The following AMBRA1 variants were observed in gnomAD, a reference collection of about 807,000 sequenced individuals.
The protein encoded by AMBRA1 is activating molecule in BECN1-regulated autophagy protein 1.
In AMBRA1, 47 loss-of-function variants were observed where a neutral mutation model predicts 125.4. The ratio of observed to expected loss-of-function variants is 0.37; its 90% CI spans 0.30 to 0.48. AMBRA1 has a LOEUF of 0.48. Ranked by LOEUF, AMBRA1 falls within the 20% of genes least tolerant of loss-of-function variation. AMBRA1 has a pLI of 0.99. For missense variants in AMBRA1, 1,331 were observed against 1,693.4 expected (o/e 0.79, Z 3.76); for synonymous variants, 626 against 655.5 (o/e 0.95, Z 0.69).
chr11:46,517,466 T>C (rs1460955840), intron 7 of AMBRA1, among the ~76,000 whole-genome samples: 1 of 133,346 alleles, frequency 7.5e-6, no homozygotes, highest in Admixed American at 7.8e-5. Flanking sequence ...ATTTTATTAA[T>C]AAGGTTTTTT....
At chr11:46,403,977 A>C (rs966158328) in intron 17 of AMBRA1, among the ~76,000 whole-genome samples, 3 of 152,124 alleles carry the variant, frequency 2.0e-5, no homozygotes, top group African/African-American at 7.2e-5. Flanking sequence ...AGGTGGGAGG[A>C]TCACTGGAGC....
chr11:46,513,969 C>T (rs558610480), intron 7 of AMBRA1, among the ~76,000 whole-genome samples: 2 of 151,556 alleles, frequency 1.3e-5, no homozygotes, highest in East Asian at 3.9e-4. Context: ...GCATGTCTGA[C>T]ATGGTGCTTC....
chr11:46,569,465 A>ATATATATATAT (rs1351666371), intron 1 of AMBRA1, among the ~76,000 whole-genome samples: 2 of 147,648 alleles, frequency 1.4e-5, no homozygotes, highest in African/African-American at 5.0e-5. Context: ...ATATATATAT[A>ATATATATATAT]AAGTGCCAAG....
intron 11 of AMBRA1, among the ~76,000 whole-genome samples, chr11:46,444,489 C>G (rs191401348): frequency 6.6e-6 from 1 of 152,174 alleles, no homozygotes; most frequent in Non-Finnish European, 1.5e-5. Flanking sequence ...TCATACACAA[C>G]CACCCTCCTT....
At chr11:46,526,101 A>G (rs1951958981) in intron 7 of AMBRA1, among the ~76,000 whole-genome samples, 1 of 151,998 alleles carries the variant, frequency 6.6e-6, no homozygotes, top group African/African-American at 2.4e-5. Flanking sequence ...GCTACTCCAG[A>G]GGCTGAGGCA....
intron 11 of AMBRA1, among the ~76,000 whole-genome samples, chr11:46,460,409 C>A (rs1949049733): frequency 1.3e-5 from 2 of 152,042 alleles, no homozygotes; most frequent in South Asian, 4.2e-4. Flanking sequence ...GCAAGCTCCG[C>A]CTCCCGGGTT....
rs1280546957 is a variant in AMBRA1, at chr11:46,494,149, G to A, written c.2395C>T (p.Pro799Ser). The change falls in exon 10 of 18, where the codon CCT (proline) becomes TCT (serine). Residue 799 changes from proline to serine, a missense_variant. This residue lies in a region of AMBRA1 where 354 missense variants were observed against 532.7 expected (regional missense o/e 0.66). Coordinates refer to ENST00000683756, the MANE Select transcript of AMBRA1 (RefSeq NM_001387011.1). ...RAPRNARMSA[P>S]SLGRFVPRRF... ...CTTGGGACAAAGCGTCCAAGCGAAG[G>A]TGCAGACATCCGGGCATTGCGTGGA... 6 of 1,608,936 alleles carry A rather than the reference G, an allele frequency of 3.7e-6. No individual in the cohort carries two copies. Among genetic ancestry groups the A allele is most frequent in the African/African-American group, 1.3e-5 (1 of 74,862 alleles).
At chr11:46,489,062 G>A (rs1004498197) in intron 11 of AMBRA1, among the ~76,000 whole-genome samples, 1 of 151,952 alleles carries the variant, frequency 6.6e-6, no homozygotes, top group Non-Finnish European at 1.5e-5. Context: ...GCAACCGCCC[G>A]GTTAATTTTT....
At chr11:46,416,291 G>A (rs1457799074) in intron 15 of AMBRA1, among the ~76,000 whole-genome samples, 1 of 152,182 alleles carries the variant, frequency 6.6e-6, no homozygotes, top group African/African-American at 2.4e-5. Flanking sequence ...TGGGACTAGG[G>A]ACAGGCCAGA....
Position 46,397,305 on chromosome 11 carries a change from T to G in AMBRA1, c.*145A>C. 8.6e-7 allele frequency: 1 copy of G among 1,167,348 alleles called. No homozygotes were observed. The highest frequency in any genetic ancestry group is 1.1e-6 in the Non-Finnish European group (1 of 892,216). 72.3% of individuals were successfully genotyped at this position (1,167,348 alleles called of 1,614,324 possible). ...ATTTGACTGTCTTGTGCCCACTGAC[T>G]GATCTTCCTCTCCACCCTGACCCTC... On this transcript the variant is annotated 3_prime_UTR_variant, in exon 18 of 18. Coordinates refer to ENST00000683756, the MANE Select transcript of AMBRA1 (RefSeq NM_001387011.1).
At chr11:46,447,713 TAGATAGA>T (rs1948365538) in intron 11 of AMBRA1, among the ~76,000 whole-genome samples, 6 of 148 alleles carry the variant, frequency 0.041, no homozygotes, top group Admixed American at 0.25. Context: ...ATCTTGTAGA[TAGATAGA>T]TAGATAGATA....
chr11:46,500,566 C>T (rs539061033), intron 9 of AMBRA1, among the ~76,000 whole-genome samples: 52 of 152,320 alleles, frequency 3.4e-4, no homozygotes, highest in African/African-American at 1.2e-3. Context: ...AAAGTCCAAA[C>T]TTCTCAGCCA....
intron 7 of AMBRA1, among the ~76,000 whole-genome samples, chr11:46,517,012 C>G (rs1171382725): frequency 6.6e-6 from 1 of 152,066 alleles, no homozygotes. Context: ...TTGCCTGGTT[C>G]ATTTTATACA....
intron 1 of AMBRA1, among the ~76,000 whole-genome samples, chr11:46,580,507 C>T (rs2044132328): frequency 6.6e-6 from 1 of 152,174 alleles, no homozygotes; most frequent in African/African-American, 2.4e-5. Flanking sequence ...TCCAATGTTT[C>T]CATCTCAGAA....
intron 15 of AMBRA1, 78 bp downstream of exon 15, chr11:46,417,835 G>A: frequency 6.9e-7 from 1 of 1,443,366 alleles, no homozygotes. Flanking sequence ...CCTTCTAAAA[G>A]ACCCCAGTTG....
At chr11:46,559,475 A>G (rs1387963581) in intron 1 of AMBRA1, among the ~76,000 whole-genome samples, 1 of 152,180 alleles carries the variant, frequency 6.6e-6, no homozygotes, top group East Asian at 1.9e-4. Flanking sequence ...AGAAAGAAAA[A>G]TAACCTCAAA....
At chr11:46,477,510 A>C (rs1050689679) in intron 11 of AMBRA1, among the ~76,000 whole-genome samples, 1 of 151,686 alleles carries the variant, frequency 6.6e-6, no homozygotes, top group Non-Finnish European at 1.5e-5. Context: ...AAAAAAAAAA[A>C]AAAAAACTTT....
chr11:46,534,482 C>T (rs1451205933), intron 7 of AMBRA1, among the ~76,000 whole-genome samples: 3 of 151,994 alleles, frequency 2.0e-5, no homozygotes, highest in African/African-American at 4.8e-5. Flanking sequence ...GCAAGAAGAG[C>T]GAAACTCCAT....
chr11:46,494,279 C>A, intron 9 of AMBRA1, 75 bp from the exon 10 acceptor site: 1 of 1,304,122 alleles, frequency 7.7e-7, no homozygotes, highest in Middle Eastern at 1.9e-4. Flanking sequence ...AAGGAAACAT[C>A]CCCAAAATGA....
Sources: allele counts gnomAD v4.1 joint callset (sites outside exome capture counted in the v4.1 genomes callset), GRCh38; gene constraint gnomAD v4.1.1; regional missense constraint gnomAD v4.1.1; transcripts MANE v1.5; gene names NCBI Gene and HGNC (gene_info 2026-07-23, HGNC 2026-07-21).